ARID1B: variants seen among roughly 807,000 people sequenced by gnomAD.
ARID1B encodes AT-rich interaction domain 1B, also known as AT-rich interactive domain-containing protein 1B.
Under a neutral mutation model 212.3 loss-of-function variants are expected in ARID1B, and 30 were observed. The observed-to-expected ratio is 0.14, with a 90% CI of 0.11 to 0.19. ARID1B has a LOEUF of 0.19. ARID1B is among the 10% of genes least tolerant of loss of function. ARID1B has a pLI of 1.00. For missense variants in ARID1B, 2,891 were observed against 3,204.0 expected (o/e 0.90, Z 2.36); for synonymous variants, 1,402 against 1,301.7 (o/e 1.08, Z -1.66).
chr6:157,192,932 C>T (rs147216621), intron 15 of ARID1B, among the ~76,000 whole-genome samples: 1 of 152,138 alleles, frequency 6.6e-6, no homozygotes, highest in Non-Finnish European at 1.5e-5. Context: ...AAAACATACT[C>T]TTTGTCGCTG....
chr6:157,080,329 C>T (rs1267707230), intron 4 of ARID1B, among the ~76,000 whole-genome samples: 1 of 152,166 alleles, frequency 6.6e-6, no homozygotes, highest in Non-Finnish European at 1.5e-5. Context: ...AGTAAAGCCA[C>T]CAGTATTGAC....
At chr6:156,840,161 G>C (rs1344029625) in intron 2 of ARID1B, among the ~76,000 whole-genome samples, 1 of 152,146 alleles carries the variant, frequency 6.6e-6, no homozygotes, top group African/African-American at 2.4e-5. Flanking sequence ...CCCCTCCTCT[G>C]TTTCTCAGCC....
chr6:156,999,768 A>G (rs12214873), intron 4 of ARID1B, among the ~76,000 whole-genome samples: 28,761 of 152,192 alleles, frequency 0.19, 3,193 homozygotes, highest in Non-Finnish European at 0.25. Context: ...AGCAATGGAA[A>G]AACAATTCCA....
rs58722867 is a variant in ARID1B at position 156,946,203 on chromosome 6, GAAA to G, written c.2247+10642_2247+10644del. On this transcript the variant is annotated intron_variant, in intron 4 of 19. Transcript: ENST00000636930. ...GAAACCCCGTCTCTACTAAAAATACGAAAAAAAAAAAAAAAAATGTTCGCCGGG... is the reference window on the plus strand; with the variant it reads ...GAAACCCCGTCTCTACTAAAAATACGAAAAAAAAAAAAAATGTTCGCCGGG... 5.9e-4 allele frequency among the ~76,000 whole-genome samples: 76 copies of G among 128,006 alleles called. 2 individuals carry two copies. Among genetic ancestry groups the G allele is most frequent in the African/African-American group, 1.7e-3 (60 of 35,142 alleles). The allele number at this position is 128,006 out of a possible 152,430, so 84.0% of individuals were successfully genotyped here.
intron 2 of ARID1B, among the ~76,000 whole-genome samples, chr6:156,863,282 G>A (rs144972674): frequency 2.2e-4 from 33 of 152,196 alleles, no homozygotes; most frequent in African/African-American, 7.7e-4. Flanking sequence ...GAAGGAAAGG[G>A]GTGGCTTTAA....
rs1793267031 is a variant in ARID1B, at chr6:157,190,251, G to A, written c.4231+41G>A. 1.1e-5 allele frequency: 18 copies of A among 1,571,354 alleles called. No individual in the cohort carries two copies. Among genetic ancestry groups the A allele is most frequent in the Non-Finnish European group, 1.5e-5 (18 of 1,163,454 alleles). On this transcript the variant is annotated intron_variant, in intron 15 of 19. Coordinates refer to ENST00000636930, the MANE Select transcript of ARID1B (RefSeq NM_001374828.1). The surrounding 1 kb of genome is among the most constrained non-coding windows in gnomAD (Gnocchi z 4.6). ...CCTCCACCCGGCCATGGACCAGTGG[G>A]CATTCTACTCTCTGCCGTTCCACAA...
Position 157,014,781 on chromosome 6 carries a change from G to A in ARID1B, c.2248-69881G>A, listed in dbSNP as rs144244057. 4.8e-3 allele frequency among the ~76,000 whole-genome samples: 736 copies of A among 151,796 alleles called. 4 individuals carry two copies. Among genetic ancestry groups the A allele is most frequent in the African/African-American group, 0.017 (700 of 41,356 alleles). ...ATATGAATCTTTAGATTGGCATCTA[G>A]AGCCATTAAATTTCCTTTGTAAACT... On this transcript the variant is annotated intron_variant, in intron 4 of 19. Coordinates refer to ENST00000636930, the MANE Select transcript of ARID1B (RefSeq NM_001374828.1).
At chr6:157,060,795 T>A (rs1228938467) in intron 4 of ARID1B, among the ~76,000 whole-genome samples, 1 of 152,178 alleles carries the variant, frequency 6.6e-6, no homozygotes, top group South Asian at 2.1e-4. Flanking sequence ...CCCCCTGCTA[T>A]TTTTTCCTTC....
chr6:156,813,016 A>G, intron 1 of ARID1B, among the ~76,000 whole-genome samples: 1 of 145,586 alleles, frequency 6.9e-6, no homozygotes, highest in South Asian at 2.1e-4. Flanking sequence ...ATATATACAC[A>G]TACGTATGTA....
chr6:157,028,021 C>G (rs555234245), intron 4 of ARID1B, among the ~76,000 whole-genome samples: 59 of 152,062 alleles, frequency 3.9e-4, no homozygotes, highest in African/African-American at 1.3e-3. Context: ...CTAAACTTAC[C>G]AAGCTGTAGC....
chr6:156,819,995 G>A (rs911682509), intron 1 of ARID1B, among the ~76,000 whole-genome samples: 1 of 152,206 alleles, frequency 6.6e-6, no homozygotes, highest in Non-Finnish European at 1.5e-5. Context: ...GTGGTGGAGA[G>A]GAGAGGAAGG....
chr6:157,156,256 T>C (rs1381971664), intron 8 of ARID1B, among the ~76,000 whole-genome samples: 1 of 152,242 alleles, frequency 6.6e-6, no homozygotes, highest in African/African-American at 2.4e-5. Context: ...TGAAAAGTCA[T>C]GTTATTGAAA....
rs71645383 is a variant in ARID1B, at chr6:157,054,223, C to CAAAAAAAAAA, written c.2248-30431_2248-30430insAAAAAAAAAA. ...TGGGCCACAGAGCAAGACTCTGTCT[C>CAAAAAAAAAA]AAAAAAAAGAAGGTGGATGGCCAGG... On this transcript the variant is annotated intron_variant, in intron 4 of 19. Coordinates refer to ENST00000636930, the MANE Select transcript of ARID1B (RefSeq NM_001374828.1). 3.4e-4 allele frequency among the ~76,000 whole-genome samples: 49 copies of CAAAAAAAAAA among 144,632 alleles called. 2 individuals are homozygous for CAAAAAAAAAA. Among genetic ancestry groups the CAAAAAAAAAA allele is most frequent in the Middle Eastern group, 3.4e-3 (1 of 290 alleles). The allele number at this position is 144,632 out of a possible 152,430, so 94.9% of individuals were successfully genotyped here.
At chr6:156,997,908 A>C (rs1417926782) in intron 4 of ARID1B, among the ~76,000 whole-genome samples, 1 of 152,220 alleles carries the variant, frequency 6.6e-6, no homozygotes, top group East Asian at 1.9e-4. Context: ...GGAATTGTTT[A>C]TCTGCAAATG....
intron 2 of ARID1B, among the ~76,000 whole-genome samples, chr6:156,859,544 C>T (rs768009057): frequency 1.3e-5 from 2 of 152,028 alleles, no homozygotes; most frequent in Non-Finnish European, 2.9e-5. Flanking sequence ...AAAAAAAATT[C>T]TAGTGTTTAC....
chr6:157,039,775 A>ACCTTCCTTCCTTCCTTCCTTCCTTCCTT (rs1374936601), intron 4 of ARID1B, among the ~76,000 whole-genome samples: 3 of 77,282 alleles, frequency 3.9e-5, no homozygotes, highest in South Asian at 9.3e-4. Context: ...CTACCTACCT[A>ACCTTCCTTCCTTCCTTCCTTCCTTCCTT]CCTTCCTTCC....
rs1390972891 is a variant in ARID1B at position 157,207,802 on chromosome 6, C to T, written c.7030C>T (p.Arg2344Trp). The T allele has an allele frequency of 1.9e-6, 3 of 1,550,486 alleles. No individual in the cohort carries two copies. Among genetic ancestry groups the T allele is most frequent in the Non-Finnish European group, 2.6e-6 (3 of 1,145,616 alleles). ...CTCGGAATTCCTTTTGCACGAGGGCCGGTTGCTGGATATCTCGATATCAGC... is the reference window on the plus strand; with the variant it reads ...CTCGGAATTCCTTTTGCACGAGGGCTGGTTGCTGGATATCTCGATATCAGC... ...NRSEFLLHEG[R>W]LLDISISAVL... The change falls in exon 20 of 20, where the codon CGG becomes TGG. Residue 2344 changes from arginine (R) to tryptophan (W), a missense_variant. Coordinates refer to ENST00000636930, the MANE Select transcript of ARID1B (RefSeq NM_001374828.1). The surrounding 1 kb of genome is among the most constrained non-coding windows in gnomAD (Gnocchi z 8.5).
At chr6:157,174,361 C>G in intron 10 of ARID1B, 1 of 380,598 alleles carries the variant, frequency 2.6e-6, no homozygotes, top group Non-Finnish European at 4.7e-6. Flanking sequence ...GGGACAAGAC[C>G]CACCTAAGAA....
intron 2 of ARID1B, chr6:156,871,627 C>T: frequency 6.2e-7 from 1 of 1,612,566 alleles, no homozygotes; most frequent in South Asian, 1.1e-5. Context: ...TCTGGAGATG[C>T]CACATGGAAA....
Sources: allele counts gnomAD v4.1 joint callset (sites outside exome capture counted in the v4.1 genomes callset), GRCh38; gene constraint gnomAD v4.1.1; non-coding constraint Gnocchi (gnomAD v3.1); transcripts MANE v1.5; gene names NCBI Gene and HGNC (gene_info 2026-07-23, HGNC 2026-07-21).